Variants in IQCM observed in about 807,000 individuals in gnomAD.
IQCM encodes the protein IQ motif containing M, also known as IQ domain-containing protein M.
IQCM carries 45 observed loss-of-function variants against 57.6 expected under a neutral mutation model. The observed-to-expected ratio is 0.78, with a 90% CI of 0.62 to 1.00. The LOEUF (loss-of-function observed/expected upper bound fraction) is 1.00. Ranked by LOEUF, IQCM falls within the 50% of genes least tolerant of loss-of-function variation. The pLI is 0.00. For missense variants in IQCM, 468 were observed against 511.6 expected, an observed-to-expected ratio of 0.91 and a Z score of 0.82; for synonymous variants, 148 against 158.9, an observed-to-expected ratio of 0.93 and a Z score of 0.51.
intron 12 of IQCM, among the ~76,000 whole-genome samples, chr4:149,434,145 A>G (rs1735134214): frequency 6.6e-6 from 1 of 152,076 alleles, no homozygotes; most frequent in African/African-American, 2.4e-5. Flanking sequence ...AACTCCTATT[A>G]TTATTTCCTT....
chr4:149,431,027 C>A (rs957136102), intron 13 of IQCM, among the ~76,000 whole-genome samples: 7 of 151,584 alleles, frequency 4.6e-5, no homozygotes, highest in Admixed American at 2.0e-4. Flanking sequence ...ATGGTAAAAC[C>A]CCAAATCTAC....
intron 2 of IQCM, among the ~76,000 whole-genome samples, chr4:149,807,358 C>T (rs556899821): frequency 1.8e-4 from 28 of 152,008 alleles, no homozygotes; most frequent in South Asian, 6.2e-4. Context: ...ATAAATTGTG[C>T]TGGGAAAACT....
At chr4:149,813,834 A>C (rs907188382) in intron 2 of IQCM, among the ~76,000 whole-genome samples, 2 of 152,064 alleles carry the variant, frequency 1.3e-5, no homozygotes, top group African/African-American at 4.8e-5. Flanking sequence ...AACAGGTGCC[A>C]AAATTATTAT....
chr4:149,711,137 A>C (rs1362666862), intron 5 of IQCM: 3 of 152,154 alleles, frequency 2.0e-5, no homozygotes, highest in African/African-American at 7.2e-5. Context: ...TGAAAATAAA[A>C]GTTTTTCCAA....
intron 12 of IQCM, among the ~76,000 whole-genome samples, chr4:149,490,051 G>A (rs1741928378): frequency 2.6e-5 from 4 of 151,878 alleles, no homozygotes. Flanking sequence ...ACAAACACTA[G>A]AAGCAGTTTC....
At chr4:149,749,156 A>G (rs1768202577) in intron 2 of IQCM, among the ~76,000 whole-genome samples, 1 of 152,188 alleles carries the variant, frequency 6.6e-6, no homozygotes, top group African/African-American at 2.4e-5. Flanking sequence ...ATTTGGTATT[A>G]TCTTTAAAAA....
intron 13 of IQCM, among the ~76,000 whole-genome samples, chr4:149,417,236 A>G (rs1397922168): frequency 6.6e-6 from 1 of 152,180 alleles, no homozygotes; most frequent in African/African-American, 2.4e-5. Flanking sequence ...ACCCCAGTAG[A>G]TCACATGTTG....
intron 12 of IQCM, among the ~76,000 whole-genome samples, chr4:149,544,316 G>T (rs892252378): frequency 6.6e-6 from 1 of 151,996 alleles, no homozygotes; most frequent in Admixed American, 6.6e-5. Context: ...CCTTGCAATC[G>T]CATCAAAGAA....
intron 3 of IQCM, among the ~76,000 whole-genome samples, chr4:149,738,608 C>G (rs1461054799): frequency 6.6e-6 from 1 of 152,136 alleles, no homozygotes; most frequent in Non-Finnish European, 1.5e-5. Context: ...CCCTTACAGT[C>G]AGGCCATGAG....
At chr4:149,679,777 T>C (rs1462051204) in intron 7 of IQCM, among the ~76,000 whole-genome samples, 1 of 151,440 alleles carries the variant, frequency 6.6e-6, no homozygotes, top group Non-Finnish European at 1.5e-5. Context: ...TAGACCTCAA[T>C]GATTATGTCA....
chr4:149,669,198 T>G (rs1407294596), intron 7 of IQCM, among the ~76,000 whole-genome samples: 1 of 152,188 alleles, frequency 6.6e-6, no homozygotes, highest in Admixed American at 6.5e-5. Flanking sequence ...GGTATCTCGT[T>G]GTGGTTTTGA....
chr4:149,669,443 G>A (rs1425275453), intron 7 of IQCM, among the ~76,000 whole-genome samples: 2 of 152,220 alleles, frequency 1.3e-5, no homozygotes, highest in Admixed American at 1.3e-4. Context: ...TCACTCTGAT[G>A]GTAGTTACTT....
At chr4:149,596,181 C>A (rs992672804) in intron 8 of IQCM, among the ~76,000 whole-genome samples, 2 of 152,026 alleles carry the variant, frequency 1.3e-5, no homozygotes, top group Non-Finnish European at 2.9e-5. Flanking sequence ...CCAATATAAG[C>A]CCCTGTAAAG....
intron 5 of IQCM, among the ~76,000 whole-genome samples, chr4:149,722,501 C>T (rs149360407): frequency 6.6e-6 from 1 of 152,158 alleles, no homozygotes; most frequent in East Asian, 1.9e-4. Context: ...CATTCTTCTA[C>T]ATGTGGGTAT....
chr4:149,389,166 T>C (rs151114093), intron 13 of IQCM, among the ~76,000 whole-genome samples: 1 of 152,140 alleles, frequency 6.6e-6, no homozygotes, highest in African/African-American at 2.4e-5. Flanking sequence ...TTTTTGTGTA[T>C]GTAATTTTGG....
chr4:149,657,412 C>T lies in IQCM; in HGVS notation c.565+24706G>A, dbSNP rs563971096. Among the ~76,000 whole-genome samples, 21 of 152,178 alleles carry T rather than the reference C, an allele frequency of 1.4e-4. No individual in the cohort carries two copies. In the East Asian group the frequency reaches 3.9e-3, roughly 28 times the overall value. On this transcript the variant is annotated intron_variant, in intron 7 of 13. Coordinates refer to ENST00000636793, the MANE Select transcript of IQCM (RefSeq NM_001363507.2). ...TACCACATTTTGTCTACCATTCATC[C>T]ATTGTTAAACACTTAGGTTGATTCT...
intron 6 of IQCM, 70 bp downstream of exon 6, chr4:149,686,308 A>T: frequency 1.5e-6 from 1 of 668,242 alleles, no homozygotes; most frequent in Non-Finnish European, 2.1e-6. Flanking sequence ...GACCATGACA[A>T]TTGGTCAGGG....
chr4:149,679,183 G>T (rs936685300), intron 7 of IQCM, among the ~76,000 whole-genome samples: 8 of 151,658 alleles, frequency 5.3e-5, no homozygotes, highest in Admixed American at 2.6e-4. Flanking sequence ...TATGCACAAT[G>T]AAATATGATT....
In IQCM at chr4:149,783,775, T is replaced by C. The variant is rs531776210; in HGVS notation, c.-49+31536A>G. Among the ~76,000 whole-genome samples, 52 of 152,204 alleles carry C rather than the reference T, an allele frequency of 3.4e-4. 1 individual carries two copies. The South Asian group carries it at 6.2e-3, about 18-fold the overall frequency. On this transcript the variant is annotated intron_variant, in intron 2 of 13. Transcript: ENST00000636793. ...GTGGGCTTGATGCAGTTAGTGACCA[T>C]GTAAAGAAGTCCACGTGACAAAGAG...
Sources: allele counts gnomAD v4.1 joint callset (sites outside exome capture counted in the v4.1 genomes callset), GRCh38; gene constraint gnomAD v4.1.1; transcripts MANE v1.5; gene names NCBI Gene and HGNC (gene_info 2026-07-23, HGNC 2026-07-21).